The following SCLT1 variants were observed in gnomAD, a reference collection of about 807,000 sequenced individuals.
The protein encoded by SCLT1 is sodium channel-associated protein 1.
A neutral mutation model predicts 112.8 loss-of-function variants in SCLT1; 78 were observed. The ratio of observed to expected loss-of-function variants is 0.69; its 90% CI spans 0.58 to 0.83. SCLT1 has a LOEUF of 0.83. Among genes scored for constraint, SCLT1 ranks in the 40% least tolerant of loss-of-function variants. The probability of loss-of-function intolerance (pLI) is 0.00; values close to 1 mark genes in which losing one functional copy is unlikely to be tolerated. For synonymous variants in SCLT1, 257 were observed against 254.7 expected (o/e 1.01, Z -0.09); for missense variants, 747 against 770.4 (o/e 0.97, Z 0.36).
chr4:129,020,820 AAT>A (rs1437715918), intron 5 of SCLT1, among the ~76,000 whole-genome samples: 2 of 152,336 alleles, frequency 1.3e-5, no homozygotes, highest in East Asian at 3.9e-4. Flanking sequence ...TCATTCCTTC[AAT>A]ATTTATTGAG....
At chr4:129,014,123 T>G (rs1421125249) in intron 5 of SCLT1, among the ~76,000 whole-genome samples, 1 of 152,204 alleles carries the variant, frequency 6.6e-6, no homozygotes, top group Non-Finnish European at 1.5e-5. Flanking sequence ...GTGATTGCAT[T>G]ATAAAATTAT....
At chr4:128,883,597 A>C (rs1264616608), downstream of SCLT1, among the ~76,000 whole-genome samples, 1 of 152,198 alleles carries the variant, frequency 6.6e-6, no homozygotes, top group Non-Finnish European at 1.5e-5. Flanking sequence ...CTTAACTGTT[A>C]GCACCATTAC....
At chr4:129,040,005 G>A (rs1747557228) in intron 4 of SCLT1, 1 of 573,778 alleles carries the variant, frequency 1.7e-6, no homozygotes, top group Non-Finnish European at 3.1e-6. Context: ...TTGTGTATTA[G>A]TCTTGATTGT....
intron 5 of SCLT1, among the ~76,000 whole-genome samples, chr4:129,032,220 GA>G (rs1490566372): frequency 6.6e-6 from 1 of 151,942 alleles, no homozygotes; most frequent in Non-Finnish European, 1.5e-5. Flanking sequence ...ATAAACCTGG[GA>G]AAAACAAGCA....
chr4:129,005,037 TATGAAAAAA>T (rs1317054983), intron 5 of SCLT1, among the ~76,000 whole-genome samples: 1 of 151,940 alleles, frequency 6.6e-6, no homozygotes, highest in Non-Finnish European at 1.5e-5. Context: ...CCCCAAGTCC[TATGAAAAAA>T]ACCATTATTA....
chr4:129,017,233 T>C (rs1030869717), intron 5 of SCLT1, among the ~76,000 whole-genome samples: 10 of 151,702 alleles, frequency 6.6e-5, no homozygotes, highest in Non-Finnish European at 1.2e-4. Flanking sequence ...GTAGGGAGGG[T>C]TTTCAGTGCA....
At chr4:128,954,162 C>T (rs1020720894) in intron 13 of SCLT1, among the ~76,000 whole-genome samples, 6 of 151,862 alleles carry the variant, frequency 4.0e-5, no homozygotes, top group African/African-American at 7.3e-5. Flanking sequence ...TAAAGGTCTT[C>T]GAGAATTTTC....
chr4:129,076,796 C>T (rs1454056738), intron 2 of SCLT1, among the ~76,000 whole-genome samples: 1 of 152,062 alleles, frequency 6.6e-6, no homozygotes, highest in Non-Finnish European at 1.5e-5. Context: ...AACTACTGTA[C>T]TTCAGAGAGC....
chr4:129,087,164 G>A (rs1752466431), intron 1 of SCLT1, among the ~76,000 whole-genome samples: 1 of 152,160 alleles, frequency 6.6e-6, no homozygotes, highest in Non-Finnish European at 1.5e-5. Context: ...AACTAGAATT[G>A]GCAGGACAAA....
chr4:128,960,575 C>T, intron 11 of SCLT1, among the ~76,000 whole-genome samples: 1 of 152,138 alleles, frequency 6.6e-6, no homozygotes, highest in East Asian at 1.9e-4. Context: ...TTCTAATCTT[C>T]TTTGCATATT....
intron 1 of SCLT1, among the ~76,000 whole-genome samples, chr4:129,090,276 C>T (rs1269270144): frequency 6.6e-6 from 1 of 152,028 alleles, no homozygotes; most frequent in Non-Finnish European, 1.5e-5. Context: ...GTACTGGTGT[C>T]CAGACAGACA....
At chr4:129,078,986 A>G (rs1233512256) in intron 2 of SCLT1, among the ~76,000 whole-genome samples, 1 of 152,134 alleles carries the variant, frequency 6.6e-6, no homozygotes, top group Non-Finnish European at 1.5e-5. Flanking sequence ...GAAAATGGGG[A>G]GGTACTACCC....
intron 3 of SCLT1, among the ~76,000 whole-genome samples, chr4:129,043,757 A>C (rs1026980379): frequency 3.4e-4 from 51 of 152,186 alleles, no homozygotes; most frequent in African/African-American, 1.2e-3. Context: ...TAGTAGTGAC[A>C]AACAAAAATG....
At chr4:129,039,690 C>T (rs1383692584) in intron 4 of SCLT1, 2 of 157,126 alleles carry the variant, frequency 1.3e-5, no homozygotes, top group African/African-American at 2.4e-5. Flanking sequence ...AAAATCCTAA[C>T]TAAAATACAA....
intron 5 of SCLT1, among the ~76,000 whole-genome samples, chr4:129,029,901 AT>A (rs1187839505): frequency 4.6e-5 from 7 of 152,102 alleles, no homozygotes; most frequent in Non-Finnish European, 8.8e-5. Context: ...TATTAGATCA[AT>A]AAAACAGAAA....
intron 14 of SCLT1, 55 bp from the exon 15 acceptor site, chr4:128,948,625 G>A: frequency 7.8e-7 from 1 of 1,275,152 alleles, no homozygotes. Context: ...CTTAAGAAAA[G>A]TGGGGAAAAA....
intron 2 of SCLT1, among the ~76,000 whole-genome samples, chr4:129,080,299 T>C (rs1751825083): frequency 6.6e-6 from 1 of 152,236 alleles, no homozygotes; most frequent in Non-Finnish European, 1.5e-5. Flanking sequence ...TATTATGCTC[T>C]ACTTCCCTTC....
Position 129,015,442 on chromosome 4 carries a change from C to T in SCLT1, c.291-11566G>A, listed in dbSNP as rs148144321. 1.6e-3 allele frequency among the ~76,000 whole-genome samples: 248 copies of T among 152,178 alleles called. 2 individuals carry two copies. Among genetic ancestry groups the T allele is most frequent in the East Asian group, 0.014 (71 of 5,154 alleles). ...GGGGCCCCAGGAGAGGGCAGCAGAC[C>T]AAGGGGAGCTCAAGTTGGACTGGCC... On this transcript the variant is annotated intron_variant, in intron 5 of 20. Coordinates refer to ENST00000281142, the MANE Select transcript of SCLT1 (RefSeq NM_144643.4).
chr4:128,994,020 A>T (rs1016742536), intron 8 of SCLT1, among the ~76,000 whole-genome samples: 1 of 152,140 alleles, frequency 6.6e-6, no homozygotes, highest in Non-Finnish European at 1.5e-5. Context: ...TATTTGTATC[A>T]ATTTGTAGTA....
Sources: allele counts gnomAD v4.1 joint callset (sites outside exome capture counted in the v4.1 genomes callset), GRCh38; gene constraint gnomAD v4.1.1; transcripts MANE v1.5; gene names NCBI Gene and HGNC (gene_info 2026-07-23, HGNC 2026-07-21).